SNTG1: variants seen among roughly 807,000 people sequenced by gnomAD.
The protein encoded by SNTG1 is gamma-1-syntrophin.
A neutral mutation model predicts 74.7 loss-of-function variants in SNTG1; 39 were observed. The ratio of observed to expected loss-of-function variants is 0.52; its 90% CI spans 0.40 to 0.68. The LOEUF (loss-of-function observed/expected upper bound fraction) is 0.68. Ranked by LOEUF, SNTG1 falls within the 30% of genes least tolerant of loss-of-function variation. The probability of loss-of-function intolerance (pLI) is 0.00; values close to 1 mark genes in which losing one functional copy is unlikely to be tolerated. For synonymous variants in SNTG1, 254 were observed against 217.1 expected (o/e 1.17, Z -1.49); for missense variants, 685 against 609.5 (o/e 1.12, Z -1.30).
chr8:50,414,783 T>G (rs951529856), intron 4 of SNTG1, among the ~76,000 whole-genome samples: 2 of 151,920 alleles, frequency 1.3e-5, no homozygotes, highest in African/African-American at 4.8e-5. Context: ...GGAAAAGCTA[T>G]CAGATCTGAA....
At position 50,589,755 on chromosome 8, in the gene SNTG1, T is replaced by C. The variant is rs577921868; in HGVS notation, c.811-1124T>C. Among the ~76,000 whole-genome samples, 7 of 152,270 alleles carry C rather than the reference T, an allele frequency of 4.6e-5. No homozygotes were observed. The South Asian group carries it at 1.5e-3, about 32-fold the overall frequency. On this transcript the variant is annotated intron_variant, in intron 12 of 18. Transcript: ENST00000642720. ...ACTCAGTATAGATTTTTTAATTGATTAATAAAAATGTTTAGAGATCAGTTT... is the reference window on the plus strand; with the variant it reads ...ACTCAGTATAGATTTTTTAATTGATCAATAAAAATGTTTAGAGATCAGTTT...
intron 17 of SNTG1, among the ~76,000 whole-genome samples, chr8:50,739,813 A>T (rs571365400): frequency 6.6e-6 from 1 of 152,210 alleles, no homozygotes; most frequent in South Asian, 2.1e-4. Context: ...GAACCCAGAA[A>T]TAAGACCATA....
At chr8:50,660,474 C>T (rs1384949382) in intron 15 of SNTG1, among the ~76,000 whole-genome samples, 1 of 125,022 alleles carries the variant, frequency 8.0e-6, no homozygotes, top group African/African-American at 3.1e-5. Flanking sequence ...GCAGGGAGTG[C>T]ACAGAGGGGA....
At chr8:50,370,944 T>C (rs1428690461) in intron 2 of SNTG1, among the ~76,000 whole-genome samples, 2 of 152,200 alleles carry the variant, frequency 1.3e-5, no homozygotes, top group Non-Finnish European at 2.9e-5. Flanking sequence ...GCTGAGATTC[T>C]ATTAGGGAGG....
chr8:50,740,967 C>A (rs1427806472), intron 17 of SNTG1, among the ~76,000 whole-genome samples: 1 of 151,934 alleles, frequency 6.6e-6, no homozygotes. Context: ...TAGAGAAGAA[C>A]AACATACACT....
At chr8:50,420,716 T>C (rs1264370395) in intron 4 of SNTG1, among the ~76,000 whole-genome samples, 1 of 151,858 alleles carries the variant, frequency 6.6e-6, no homozygotes, top group Admixed American at 6.6e-5. Flanking sequence ...AGAGAAAATA[T>C]TTGTAACAAC....
intron 2 of SNTG1, among the ~76,000 whole-genome samples, chr8:50,230,598 C>T (rs1032190017): frequency 5.9e-5 from 9 of 151,352 alleles, no homozygotes; most frequent in East Asian, 1.9e-4. Flanking sequence ...AGGACAAGAT[C>T]GTTTCATTTG....
chr8:50,503,612 G>A (rs754650934), intron 9 of SNTG1, among the ~76,000 whole-genome samples: 7 of 151,994 alleles, frequency 4.6e-5, no homozygotes, highest in Non-Finnish European at 1.0e-4. Context: ...TTACAGAATG[G>A]AATTATACTT....
intron 13 of SNTG1, among the ~76,000 whole-genome samples, chr8:50,633,633 G>A (rs1458366696): frequency 6.6e-6 from 1 of 152,192 alleles, no homozygotes; most frequent in Non-Finnish European, 1.5e-5. Context: ...TGAATGTTGA[G>A]GTGGGCTGTG....
At chr8:50,791,078 T>C (rs1175678615) in intron 18 of SNTG1, among the ~76,000 whole-genome samples, 2 of 151,930 alleles carry the variant, frequency 1.3e-5, no homozygotes, top group Non-Finnish European at 2.9e-5. Flanking sequence ...TTCCAAACCT[T>C]TCACATTAGG....
At chr8:50,611,938 TG>T (rs1166533408) in intron 13 of SNTG1, among the ~76,000 whole-genome samples, 1 of 152,096 alleles carries the variant, frequency 6.6e-6, no homozygotes, top group Admixed American at 6.6e-5. Flanking sequence ...AGCTATTTTT[TG>T]TGGAGACTGG....
chr8:50,112,311 G>A (rs2080624369), intron 1 of SNTG1, among the ~76,000 whole-genome samples: 1 of 151,958 alleles, frequency 6.6e-6, no homozygotes, highest in African/African-American at 2.4e-5. Context: ...ATACGTGGAT[G>A]ACTTTACACT....
At chr8:50,209,536 A>G (rs1051602023) in intron 2 of SNTG1, among the ~76,000 whole-genome samples, 10 of 152,278 alleles carry the variant, frequency 6.6e-5, no homozygotes, top group Admixed American at 5.2e-4. Flanking sequence ...CAGGGGAAGA[A>G]TCAGGCAGCA....
At chr8:50,480,013 C>T (rs2093727021) in intron 8 of SNTG1, among the ~76,000 whole-genome samples, 1 of 152,104 alleles carries the variant, frequency 6.6e-6, no homozygotes, top group Admixed American at 6.6e-5. Context: ...ACTGTGGAGA[C>T]TTTAAAATAG....
chr8:50,261,284 G>A (rs1445164571), intron 2 of SNTG1, among the ~76,000 whole-genome samples: 1 of 152,102 alleles, frequency 6.6e-6, no homozygotes, highest in Non-Finnish European at 1.5e-5. Flanking sequence ...AATTCTCATC[G>A]ATTTAGAATT....
At chr8:50,742,520 A>G (rs1174448807) in intron 17 of SNTG1, among the ~76,000 whole-genome samples, 3 of 151,874 alleles carry the variant, frequency 2.0e-5, no homozygotes, top group Admixed American at 2.0e-4. Flanking sequence ...TAAAAGGGAA[A>G]CTTGTAGGAG....
At chr8:50,020,654 C>A (rs1357328982) in intron 1 of SNTG1, among the ~76,000 whole-genome samples, 1 of 151,974 alleles carries the variant, frequency 6.6e-6, no homozygotes, top group Non-Finnish European at 1.5e-5. Flanking sequence ...TACAAAGGGG[C>A]TATTTATTGG....
chr8:50,526,596 CAT>C (rs1027823217), intron 9 of SNTG1, among the ~76,000 whole-genome samples: 32 of 150,508 alleles, frequency 2.1e-4, no homozygotes, highest in African/African-American at 7.7e-4. Context: ...TCAAAGTCAG[CAT>C]ATATATGTGT....
intron 1 of SNTG1, among the ~76,000 whole-genome samples, chr8:50,131,469 G>A (rs1323436007): frequency 6.6e-6 from 1 of 152,030 alleles, no homozygotes; most frequent in East Asian, 1.9e-4. Context: ...ATGTCCTTCA[G>A]GTTCATGGAT....
Sources: allele counts gnomAD v4.1 joint callset (sites outside exome capture counted in the v4.1 genomes callset), GRCh38; gene constraint gnomAD v4.1.1; transcripts MANE v1.5; gene names NCBI Gene and HGNC (gene_info 2026-07-23, HGNC 2026-07-21).